The following ATXN7L1 variants were observed in gnomAD, a reference collection of about 807,000 sequenced individuals.
ATXN7L1 encodes the protein ataxin 7 like 1.
ATXN7L1 carries 15 observed loss-of-function variants against 70.8 expected under a neutral mutation model. The observed-to-expected ratio is 0.21, with a 90% confidence interval of 0.14 to 0.33. ATXN7L1 has a LOEUF of 0.33. ATXN7L1 is among the 10% of genes least tolerant of loss of function. ATXN7L1 has a pLI of 1.00. For synonymous variants in ATXN7L1, 440 were observed against 445.1 expected, an observed-to-expected ratio of 0.99 and a Z score of 0.14; for missense variants, 975 against 1,097.1, an observed-to-expected ratio of 0.89 and a Z score of 1.57.
chr7:105,841,163 C>A (rs1813151150), intron 2 of ATXN7L1, among the ~76,000 whole-genome samples: 1 of 152,174 alleles, frequency 6.6e-6, no homozygotes, highest in Non-Finnish European at 1.5e-5. Flanking sequence ...CATTGGATCC[C>A]ACAACACCAT....
At chr7:105,641,379 C>T (rs904996904) in intron 5 of ATXN7L1, among the ~76,000 whole-genome samples, 42 of 151,580 alleles carry the variant, frequency 2.8e-4, no homozygotes, top group Non-Finnish European at 4.3e-4. Context: ...CCCACACCAG[C>T]GCCTCATGTC....
chr7:105,654,962 T>C (rs987561883), intron 4 of ATXN7L1, among the ~76,000 whole-genome samples: 2 of 151,644 alleles, frequency 1.3e-5, no homozygotes, highest in African/African-American at 2.4e-5. Flanking sequence ...CACATTAGTC[T>C]TGAACTCCTC....
intron 2 of ATXN7L1, among the ~76,000 whole-genome samples, chr7:105,829,267 CAAACAAAACA>C (rs60104616): frequency 6.6e-6 from 1 of 151,212 alleles, no homozygotes; most frequent in African/African-American, 2.4e-5. Context: ...ACTAAAAATA[CAAACAAAACA>C]AAACAAAACA....
chr7:105,876,517 A>G lies in ATXN7L1; in HGVS notation c.42T>C (p.Ala14=). The change falls in exon 1 of 12, where the codon GCT becomes GCC. Residue 14 remains alanine (A), a synonymous_variant. Coordinates refer to ENST00000419735, the MANE Select transcript of ATXN7L1 (RefSeq NM_020725.2). Reference sequence around the variant, plus strand: ...GCTTTTTCCCTGTTCCTTCGGCAGCAGCAGCCGAGAGACACGGGATTCGAG... The same window carrying G: ...GCTTTTTCCCTGTTCCTTCGGCAGCGGCAGCCGAGAGACACGGGATTCGAG... ...ERSRIPCLSA[A]AAEGTGKKQQ... is the part of the protein sequence containing the mutation. 6.2e-7 allele frequency: 1 copy of G among 1,610,960 alleles called. No individual in the cohort carries two copies. The highest frequency in any genetic ancestry group is 8.5e-7 in the Non-Finnish European group (1 of 1,178,560).
At chr7:105,723,575 G>A (rs961626692) in intron 3 of ATXN7L1, among the ~76,000 whole-genome samples, 3 of 152,090 alleles carry the variant, frequency 2.0e-5, no homozygotes, top group African/African-American at 7.2e-5. Context: ...TAGCCAAAGG[G>A]AGAGAGGCCA....
chr7:105,620,886 C>CTG (rs10656476), intron 8 of ATXN7L1, among the ~76,000 whole-genome samples: 140,775 of 146,864 alleles, frequency 0.96, 67,770 homozygotes, highest in East Asian at 1. Flanking sequence ...CAGGCTGAGA[C>CTG]TGTCTCAGAG....
chr7:105,714,477 C>A (rs1484528777), intron 3 of ATXN7L1, among the ~76,000 whole-genome samples: 1 of 152,124 alleles, frequency 6.6e-6, no homozygotes, highest in African/African-American at 2.4e-5. Context: ...GCCAGGCCAA[C>A]AATAATAAGA....
chr7:105,724,644 T>G (rs1031171295), intron 3 of ATXN7L1, among the ~76,000 whole-genome samples: 1 of 146,192 alleles, frequency 6.8e-6, no homozygotes, highest in Non-Finnish European at 1.5e-5. Context: ...ATCCCAGCAC[T>G]ATGGGAGGCC....
At chr7:105,629,437 CCTT>C (rs954626715) in intron 7 of ATXN7L1, among the ~76,000 whole-genome samples, 7 of 149,418 alleles carry the variant, frequency 4.7e-5, no homozygotes, top group African/African-American at 9.8e-5. Context: ...GGCAGGATGT[CCTT>C]CTTCTTTTAT....
intron 3 of ATXN7L1, among the ~76,000 whole-genome samples, chr7:105,687,753 C>T (rs1334187461): frequency 2.0e-5 from 3 of 152,248 alleles, no homozygotes; most frequent in Non-Finnish European, 2.9e-5. Flanking sequence ...AGGTGCAGCT[C>T]GGATGCATCC....
chr7:105,678,573 A>G (rs1045516642), intron 3 of ATXN7L1, among the ~76,000 whole-genome samples: 6 of 152,242 alleles, frequency 3.9e-5, no homozygotes, highest in Admixed American at 3.3e-4. Context: ...GACCCTGAAC[A>G]TGTCTTAACA....
intron 3 of ATXN7L1, among the ~76,000 whole-genome samples, chr7:105,748,745 C>A (rs950589335): frequency 6.6e-6 from 1 of 152,160 alleles, no homozygotes; most frequent in African/African-American, 2.4e-5. Context: ...GGGAGCTGAG[C>A]AAAACAGCAC....
intron 3 of ATXN7L1, among the ~76,000 whole-genome samples, chr7:105,722,535 T>C (rs563860216): frequency 1.6e-4 from 19 of 116,876 alleles, no homozygotes; most frequent in African/African-American, 6.0e-4. Flanking sequence ...TACTCCAGCC[T>C]GGGCAACAGA....
At chr7:105,674,315 C>A (rs570709414) in intron 3 of ATXN7L1, among the ~76,000 whole-genome samples, 105 of 152,314 alleles carry the variant, frequency 6.9e-4, no homozygotes, top group African/African-American at 2.5e-3. Context: ...CATGCACATT[C>A]ATTCAGTTAG....
intron 4 of ATXN7L1, among the ~76,000 whole-genome samples, chr7:105,662,718 T>C (rs563153162): frequency 9.8e-4 from 149 of 152,358 alleles, no homozygotes; most frequent in Non-Finnish European, 1.7e-3. Flanking sequence ...AATAAATTAT[T>C]TGATCATTTT....
intron 3 of ATXN7L1, among the ~76,000 whole-genome samples, chr7:105,670,789 C>T (rs533039886): frequency 1.2e-3 from 181 of 152,170 alleles, no homozygotes; most frequent in Non-Finnish European, 2.3e-3. Context: ...TGGTGAAACC[C>T]CATCTCTACT....
At chr7:105,665,316 G>GCACAAAAT (rs1485468963) in intron 3 of ATXN7L1, 28 bp from the exon 4 acceptor site, 1 of 1,518,788 alleles carries the variant, frequency 6.6e-7, no homozygotes, top group African/African-American at 1.4e-5. Flanking sequence ...AGAGAACTCA[G>GCACAAAAT]CACAGCATCT....
At chr7:105,742,479 G>A (rs1286291590) in intron 3 of ATXN7L1, among the ~76,000 whole-genome samples, 1 of 152,184 alleles carries the variant, frequency 6.6e-6, no homozygotes, top group Non-Finnish European at 1.5e-5. Flanking sequence ...CTATGCTTAT[G>A]CTCATTTTAC....
intron 3 of ATXN7L1, among the ~76,000 whole-genome samples, chr7:105,786,773 C>G (rs1278704759): frequency 6.6e-6 from 1 of 152,076 alleles, no homozygotes; most frequent in Non-Finnish European, 1.5e-5. Flanking sequence ...CCTTGGCCTC[C>G]TAAAGTGCTC....
Sources: allele counts gnomAD v4.1 joint callset (sites outside exome capture counted in the v4.1 genomes callset), GRCh38; gene constraint gnomAD v4.1.1; transcripts MANE v1.5; gene names NCBI Gene and HGNC (gene_info 2026-07-23, HGNC 2026-07-21).